Variants in MYO16 observed in about 807,000 individuals in gnomAD.
The protein encoded by MYO16 is unconventional myosin-XVI.
Under a neutral mutation model 205.3 loss-of-function variants are expected in MYO16, and 94 were observed. The observed-to-expected ratio is 0.46, with a 90% CI of 0.39 to 0.54. The LOEUF is 0.54. MYO16 is among the 20% of genes least tolerant of loss of function. The pLI is 0.00. For synonymous variants in MYO16, 988 were observed against 954.0 expected, an observed-to-expected ratio of 1.04 and a Z score of -0.66; for missense variants, 2,315 against 2,387.5, an observed-to-expected ratio of 0.97 and a Z score of 0.63.
chr13:108,712,212 T>C (rs1202421538), intron 2 of MYO16, among the ~76,000 whole-genome samples: 4 of 152,224 alleles, frequency 2.6e-5, no homozygotes, highest in African/African-American at 2.4e-5. Flanking sequence ...CAAGGGCTAA[T>C]GGCACCAGTG....
In MYO16 at chr13:108,924,759, G is replaced by A. The variant is rs116320488; in HGVS notation, c.1925+14609G>A. ...TCCCAGCAACACAGCATGGCATGGC[G>A]ACTCACTCCTGACGTCACGTCTTCT... On this transcript the variant is annotated intron_variant, in intron 16 of 34. Transcript: ENST00000457511. 8.8e-3 allele frequency among the ~76,000 whole-genome samples: 1,346 copies of A among 152,234 alleles called. 12 individuals carry two copies. The highest frequency in any genetic ancestry group is 0.02 in the East Asian group (104 of 5,168).
At chr13:109,185,163 G>A (rs189231691) in intron 34 of MYO16, among the ~76,000 whole-genome samples, 1 of 152,304 alleles carries the variant, frequency 6.6e-6, no homozygotes, top group East Asian at 1.9e-4. Flanking sequence ...TTATTGTATA[G>A]TGGAGGAGTA....
intron 1 of MYO16, among the ~76,000 whole-genome samples, chr13:108,660,697 C>T (rs1007256164): frequency 6.6e-6 from 1 of 152,120 alleles, no homozygotes; most frequent in Non-Finnish European, 1.5e-5. Context: ...TTGAAGGCAG[C>T]AGATAGCTGG....
chr13:109,180,903 T>A lies in MYO16; in HGVS notation c.5415+1270T>A, dbSNP rs117063781. The stretch of plus-strand genomic sequence containing the variant: ...CTCCTGGTCATGAACACTGGTTTGA[T>A]TTTTGTATTGGAGGCCTGACTCCTG... On this transcript the variant is annotated intron_variant, in intron 34 of 34. Transcript: ENST00000457511. 9.4e-4 allele frequency among the ~76,000 whole-genome samples: 143 copies of A among 152,342 alleles called. 4 individuals are homozygous for A. The East Asian group carries it at 0.019, about 20-fold the overall frequency.
intron 22 of MYO16, among the ~76,000 whole-genome samples, chr13:109,015,191 A>G (rs1885762171): frequency 6.6e-6 from 1 of 152,164 alleles, no homozygotes; most frequent in Admixed American, 6.6e-5. Context: ...AATTTTGTTG[A>G]AGGCATTTTC....
chr13:108,764,296 C>T (rs1885709238), intron 4 of MYO16, among the ~76,000 whole-genome samples: 1 of 152,170 alleles, frequency 6.6e-6, no homozygotes, highest in Non-Finnish European at 1.5e-5. Flanking sequence ...ATGAAGTACA[C>T]ATTCGGGACA....
At chr13:108,672,296 T>C (rs542040261) in intron 2 of MYO16, among the ~76,000 whole-genome samples, 1 of 152,308 alleles carries the variant, frequency 6.6e-6, no homozygotes. Flanking sequence ...AATGCACTTG[T>C]TTATGCAATT....
intron 4 of MYO16, among the ~76,000 whole-genome samples, chr13:108,775,574 C>T (rs751843154): frequency 3.9e-5 from 6 of 152,118 alleles, no homozygotes; most frequent in Non-Finnish European, 5.9e-5. Flanking sequence ...TTCCTAACCT[C>T]GTGGGTCATA....
chr13:108,583,983 T>G, the MYO16 span, among the ~76,000 whole-genome samples: 1 of 152,218 alleles, frequency 6.6e-6, no homozygotes, highest in Admixed American at 6.5e-5. Context: ...ATACGGAGTC[T>G]CGCTCTGTCA....
At chr13:108,588,885 G>A in the MYO16 span, among the ~76,000 whole-genome samples, 8 of 152,084 alleles carry the variant, frequency 5.3e-5, no homozygotes, top group Non-Finnish European at 7.4e-5. Flanking sequence ...TTCAGCCACC[G>A]AGATTTGGGG....
the MYO16 span, among the ~76,000 whole-genome samples, chr13:108,547,226 C>T: frequency 2.7e-5 from 4 of 148,644 alleles, no homozygotes; most frequent in African/African-American, 7.5e-5. Context: ...GAGCTGAGAT[C>T]GTGCCACTGC....
intron 5 of MYO16, among the ~76,000 whole-genome samples, chr13:108,786,183 A>C (rs1886452155): frequency 6.6e-6 from 1 of 152,364 alleles, no homozygotes; most frequent in South Asian, 2.1e-4. Flanking sequence ...AGTCAAGGAC[A>C]CTTGTCTGCA....
At chr13:108,873,875 A>G (rs542527861) in intron 12 of MYO16, among the ~76,000 whole-genome samples, 1 of 152,386 alleles carries the variant, frequency 6.6e-6, no homozygotes, top group African/African-American at 2.4e-5. Flanking sequence ...ATTCATTTTA[A>G]ACATGTTACA....
rs1475959587 is a variant in MYO16, at chr13:108,719,932, G to A, written c.363+7201G>A. Among the ~76,000 whole-genome samples the A allele has an allele frequency of 2.6e-5, 4 of 152,272 alleles. No homozygotes were observed. In the East Asian group the frequency reaches 7.7e-4, roughly 29 times the overall value. ...AGAGAATTTAAAATGCAGCAAACCA[G>A]TGCTGCTGATGAAGGAGATTGGTTT... On this transcript the variant is annotated intron_variant, in intron 3 of 34. Coordinates refer to ENST00000457511, the MANE Select transcript of MYO16 (RefSeq NM_001198950.3).
the MYO16 span, among the ~76,000 whole-genome samples, chr13:108,569,692 G>A: frequency 1.4e-4 from 21 of 152,072 alleles, no homozygotes; most frequent in East Asian, 2.1e-3. Context: ...TTGAATAGAT[G>A]TGGTAAAAGC....
At chr13:108,499,393 C>T in the MYO16 span, among the ~76,000 whole-genome samples, 4 of 152,178 alleles carry the variant, frequency 2.6e-5, no homozygotes, top group East Asian at 3.9e-4. Flanking sequence ...CTGGCCTGTT[C>T]CAGGCCTGCG....
At chr13:108,616,074 T>C (rs896513384) in intron 1 of MYO16, among the ~76,000 whole-genome samples, 2 of 152,194 alleles carry the variant, frequency 1.3e-5, no homozygotes. Flanking sequence ...GCTGATGATT[T>C]TCACAAGTGC....
chr13:108,651,186 C>T (rs1880986707), intron 1 of MYO16, among the ~76,000 whole-genome samples: 4 of 152,126 alleles, frequency 2.6e-5, no homozygotes. Context: ...CGGTGGGTGC[C>T]CTGCAGCACT....
intron 4 of MYO16, among the ~76,000 whole-genome samples, chr13:108,765,661 G>T (rs144294863): frequency 6.6e-6 from 1 of 152,204 alleles, no homozygotes; most frequent in African/African-American, 2.4e-5. Context: ...CGCTTTGCCC[G>T]GGGACCCATC....
Sources: allele counts gnomAD v4.1 joint callset (sites outside exome capture counted in the v4.1 genomes callset), GRCh38; gene constraint gnomAD v4.1.1; transcripts MANE v1.5; gene names NCBI Gene and HGNC (gene_info 2026-07-23, HGNC 2026-07-21).